The following TRPM8 variants were observed in gnomAD, a reference collection of about 807,000 sequenced individuals.
TRPM8 encodes the protein transient receptor potential cation channel subfamily M member 8, also known as TRPM8 cationic channel.
TRPM8 carries 110 observed loss-of-function variants against 133.7 expected under a neutral mutation model. The ratio of observed to expected loss-of-function variants is 0.82; its 90% CI spans 0.70 to 0.96. The LOEUF (loss-of-function observed/expected upper bound fraction) is 0.96. Ranked by LOEUF, TRPM8 falls within the 40% of genes least tolerant of loss-of-function variation. The pLI is 0.00. For synonymous variants in TRPM8, 535 were observed against 532.3 expected (o/e 1.01, Z -0.07); for missense variants, 1,291 against 1,379.5 (o/e 0.94, Z 1.02).
chr2:233,925,178 C>A (rs142723050), intron 1 of TRPM8, among the ~76,000 whole-genome samples: 1 of 152,132 alleles, frequency 6.6e-6, no homozygotes, highest in East Asian at 1.9e-4. Flanking sequence ...GTTAGCAAAC[C>A]GAAGGAGGAT....
chr2:233,979,013 G>C (rs1446778855), intron 17 of TRPM8, among the ~76,000 whole-genome samples: 1 of 152,212 alleles, frequency 6.6e-6, no homozygotes, highest in Non-Finnish European at 1.5e-5. Context: ...AGAAGCAACT[G>C]ACTCGGGCTC....
chr2:233,951,006 G>A (rs1691160193), intron 9 of TRPM8, among the ~76,000 whole-genome samples: 1 of 152,046 alleles, frequency 6.6e-6, no homozygotes, highest in Non-Finnish European at 1.5e-5. Context: ...TTCAAGACCT[G>A]CCTGGACAAT....
intron 20 of TRPM8, 67 bp from the exon 21 acceptor site, chr2:233,985,621 T>A: frequency 6.8e-7 from 1 of 1,470,808 alleles, no homozygotes; most frequent in East Asian, 2.3e-5. Flanking sequence ...CTTGTGGCCC[T>A]GGGAATGCCA....
chr2:233,938,007 G>T (rs1330191455), intron 4 of TRPM8, among the ~76,000 whole-genome samples: 1 of 152,156 alleles, frequency 6.6e-6, no homozygotes, highest in African/African-American at 2.4e-5. Context: ...TTCCTGCAGG[G>T]CCTGGGCCTC....
intron 3 of TRPM8, among the ~76,000 whole-genome samples, chr2:233,931,955 CAT>C (rs1691687812): frequency 6.6e-6 from 1 of 152,234 alleles, no homozygotes; most frequent in Non-Finnish European, 1.5e-5. Context: ...CCCATGGTCA[CAT>C]GTGCAGTGGA....
chr2:233,947,909 G>C (rs1691084600), intron 8 of TRPM8, among the ~76,000 whole-genome samples: 1 of 152,090 alleles, frequency 6.6e-6, no homozygotes, highest in South Asian at 2.1e-4. Flanking sequence ...TATCACCCAG[G>C]TAATAAGCAT....
chr2:233,923,891 A>G (rs1378129240), intron 1 of TRPM8, among the ~76,000 whole-genome samples: 1 of 152,218 alleles, frequency 6.6e-6, no homozygotes, highest in Non-Finnish European at 1.5e-5. Context: ...CAATGTGAAA[A>G]TTTCGGACCA....
At chr2:234,017,061 T>C (rs1357120146) in intron 25 of TRPM8, among the ~76,000 whole-genome samples, 2 of 151,512 alleles carry the variant, frequency 1.3e-5, no homozygotes, top group African/African-American at 4.8e-5. Context: ...AGTTGAGCCT[T>C]GATCATTCAA....
chr2:233,948,674 G>T (rs1421664035), intron 8 of TRPM8, among the ~76,000 whole-genome samples: 1 of 152,174 alleles, frequency 6.6e-6, no homozygotes, highest in East Asian at 1.9e-4. Flanking sequence ...TTCCACTGCC[G>T]TCTGCTCAGC....
At chr2:233,959,073 T>A (rs1691365134) in intron 11 of TRPM8, among the ~76,000 whole-genome samples, 1 of 152,128 alleles carries the variant, frequency 6.6e-6, no homozygotes, top group South Asian at 2.1e-4. Context: ...TCGTCCAGGC[T>A]GGAGTGCAAT....
chr2:233,969,379 CGGG>C, intron 15 of TRPM8, among the ~76,000 whole-genome samples: 1 of 151,492 alleles, frequency 6.6e-6, no homozygotes, highest in Non-Finnish European at 1.5e-5. Flanking sequence ...CCCAGCTACT[CGGG>C]AGGCTGAGGC....
At chr2:233,955,002 G>C (rs1326589107) in intron 10 of TRPM8, 130 bp from the exon 11 acceptor site, 1 of 658,428 alleles carries the variant, frequency 1.5e-6, no homozygotes, top group African/African-American at 1.8e-5. Flanking sequence ...GACAGTTTGA[G>C]TGTCTGAATG....
chr2:234,009,631 C>T (rs1034521566), intron 24 of TRPM8, among the ~76,000 whole-genome samples: 4 of 152,142 alleles, frequency 2.6e-5, no homozygotes, highest in Admixed American at 6.5e-5. Flanking sequence ...GAGGTCCCAC[C>T]GCCTCCCTCC....
rs952200691 is a variant in TRPM8, at chr2:233,917,378, C to A, written c.-60C>A. 1 of 152,142 alleles carries A rather than the reference C, an allele frequency of 6.6e-6. No homozygotes were observed. The highest frequency in any genetic ancestry group is 2.4e-5 in the African/African-American group (1 of 41,434). 9.4% of individuals were successfully genotyped at this position (152,142 alleles called of 1,614,324 possible). A position where few individuals can be genotyped will look rare whatever the true frequency, so the allele number is the denominator to read the frequency against. On this transcript the variant is annotated 5_prime_UTR_variant, in exon 1 of 26. Transcript: ENST00000324695. The stretch of plus-strand genomic sequence containing the variant: ...GCTTTCCTCCTCCTGTGGGGAGAGA[C>A]CAGCAGGATCCTTGGGTGAAAGAAA...
chr2:233,964,645 G>C lies in TRPM8; in HGVS notation c.1767G>C (p.Leu589=). ...VIWEQTRGCT[L]AALGASKLLK... is the part of the protein sequence containing the mutation. The stretch of plus-strand genomic sequence containing the variant: ...CTAAAAAGACCAGGGGCTGCACTCT[G>C]GCAGCCCTGGGAGCCAGCAAGCTTC... The change falls in exon 14 of 26, where the codon CTG becomes CTC. Residue 589 remains leucine, a synonymous_variant. Coordinates refer to ENST00000324695, the MANE Select transcript of TRPM8 (RefSeq NM_024080.5). 3.7e-6 allele frequency: 6 copies of C among 1,605,498 alleles called. No individual in the cohort carries two copies. The highest frequency in any genetic ancestry group is 5.1e-6 in the Non-Finnish European group (6 of 1,174,196).
rs145572343 is a variant in TRPM8, at chr2:233,950,093, C to A, written c.1087C>A (p.Pro363Thr). Residue 363 changes from proline (P) to threonine (T), a missense_variant, in exon 9 of 26, where the codon CCC becomes ACC. By Grantham distance (38) the Pro-to-Thr change is conservative (BLOSUM62 -1). Around this residue, in one of 2 missense-constraint regions of TRPM8, gnomAD observed 963 missense variants for 968.9 expected, o/e 0.99. Transcript: ENST00000324695. ...CAAGGAGAAGCTGGTGCGCTTTTTA[C>A]CCCGCACGGTGTCCCGGCTGCCTGA... is the stretch of plus-strand genomic sequence containing the variant. ...AVKEKLVRFL[P>T]RTVSRLPEEE... The A allele has an allele frequency of 5.0e-6, 8 of 1,613,652 alleles. No individual in the cohort carries two copies. Among genetic ancestry groups the A allele is most frequent in the Non-Finnish European group, 6.8e-6 (8 of 1,180,036 alleles).
At chr2:233,947,009 C>A (rs1189013560) in intron 7 of TRPM8, 79 bp from the exon 8 acceptor site, 2 of 1,323,354 alleles carry the variant, frequency 1.5e-6, no homozygotes, top group Non-Finnish European at 2.2e-6. Context: ...AGGGCAGAAG[C>A]TCTTGGTCCA....
At chr2:233,924,882 G>A (rs1173852458) in intron 1 of TRPM8, among the ~76,000 whole-genome samples, 1 of 152,228 alleles carries the variant, frequency 6.6e-6, no homozygotes, top group Non-Finnish European at 1.5e-5. Flanking sequence ...TGTATGTAAA[G>A]TGCCAATTAA....
chr2:233,970,644 A>G (rs1186268294), intron 17 of TRPM8: 2 of 573,624 alleles, frequency 3.5e-6, no homozygotes, highest in East Asian at 5.9e-5. Flanking sequence ...TTTGCTCTCT[A>G]ATGAATGTTA....
Sources: allele counts gnomAD v4.1 joint callset (sites outside exome capture counted in the v4.1 genomes callset), GRCh38; gene constraint gnomAD v4.1.1; regional missense constraint gnomAD v4.1.1; transcripts MANE v1.5; gene names NCBI Gene and HGNC (gene_info 2026-07-23, HGNC 2026-07-21).